The following PCDHA9 variants were observed in gnomAD, a reference collection of about 807,000 sequenced individuals.
PCDHA9 encodes the protein protocadherin alpha-9.
A neutral mutation model predicts 62.0 loss-of-function variants in PCDHA9; 62 were observed. The observed-to-expected ratio is 1.00, with a 90% CI of 0.81 to 1.23. The LOEUF is 1.23. PCDHA9 is among the 50% of genes most tolerant of loss of function. PCDHA9 has a pLI of 0.00. For missense variants in PCDHA9, 1,205 were observed against 1,249.8 expected (o/e 0.96, Z 0.54); for synonymous variants, 557 against 567.6 (o/e 0.98, Z 0.27).
intron 3 of PCDHA9, among the ~76,000 whole-genome samples, chr5:140,983,949 T>TA (rs1554245835): frequency 1.3e-5 from 2 of 152,176 alleles, no homozygotes. Flanking sequence ...ACAATTCAAC[T>TA]AAAAGTCACA....
Position 140,848,651 on chromosome 5 carries a change from G to A in PCDHA9, c.156G>A (p.Leu52=). ...TCGTGGGCCGCATCGCGCAGGACCT[G>A]GGGCTGGAGCTGGCGGAGCTGGTGC... is the stretch of plus-strand genomic sequence containing the variant. The part of the protein sequence containing the change: ...GTFVGRIAQD[L]GLELAELVPR... Residue 52 remains leucine (L), a synonymous_variant, in exon 1 of 4, where the codon CTG becomes CTA. Transcript: ENST00000532602. The A allele has an allele frequency of 1.3e-6, 2 of 1,592,962 alleles. 1 individual carries two copies. The highest frequency in any genetic ancestry group is 1.7e-6 in the Non-Finnish European group (2 of 1,163,756).
intron 1 of PCDHA9, chr5:140,875,557 G>A (rs2055595805): frequency 6.2e-7 from 1 of 1,613,946 alleles, no homozygotes; most frequent in Non-Finnish European, 8.5e-7. Flanking sequence ...GGTGGGGAGC[G>A]GCCAGCTCCA....
intron 3 of PCDHA9, among the ~76,000 whole-genome samples, chr5:141,000,417 A>ATT (rs1563652061): frequency 3.2e-4 from 25 of 77,724 alleles, no homozygotes; most frequent in African/African-American, 1.1e-3. Context: ...ATATATATAT[A>ATT]TATATTTTTT....
At chr5:140,948,271 T>C (rs1295867135) in intron 1 of PCDHA9, among the ~76,000 whole-genome samples, 4 of 151,646 alleles carry the variant, frequency 2.6e-5, no homozygotes, top group Non-Finnish European at 5.9e-5. Flanking sequence ...TCATGTAGAA[T>C]ATCTGTAAAT....
intron 1 of PCDHA9, chr5:140,966,586 T>C (rs1339521044): frequency 5.5e-6 from 3 of 548,910 alleles, no homozygotes; most frequent in Non-Finnish European, 8.8e-6. Flanking sequence ...GCGAGGACGG[T>C]GGGGCCAGGA....
In PCDHA9 at chr5:141,011,905, G is replaced by C. The variant is rs1400272126; in HGVS notation, c.*1968G>C. 4 of 153,222 alleles carry C rather than the reference G, an allele frequency of 2.6e-5. No individual in the cohort carries two copies. Among genetic ancestry groups the C allele is most frequent in the African/African-American group, 9.7e-5 (4 of 41,224 alleles). The allele number at this position is 153,222 out of a possible 1,614,324, so 9.5% of individuals were successfully genotyped here. A position where few individuals can be genotyped will look rare whatever the true frequency, so the allele number is the denominator to read the frequency against. ...TTGATTAATTATATTATCTATTTAG[G>C]CATTAATATAAAAGAGGTAGGAGTC... On this transcript the variant is annotated 3_prime_UTR_variant, in exon 4 of 4. Coordinates refer to ENST00000532602, the MANE Select transcript of PCDHA9 (RefSeq NM_031857.2).
At chr5:140,882,989 G>C (rs567590369) in intron 1 of PCDHA9, 2 of 1,614,130 alleles carry the variant, frequency 1.2e-6, no homozygotes, top group Non-Finnish European at 8.5e-7. Context: ...CAACGCCCCG[G>C]AATTTTACCA....
chr5:140,857,309 G>C lies in PCDHA9; in HGVS notation c.2394+6420G>C, dbSNP rs1287991839. ...GGACCGCGAGAGGGTGTCGGCCTAT[G>C]AGCTGGTGGTGACCGCGCGGGACGG... On this transcript the variant is annotated intron_variant, in intron 1 of 3. Transcript: ENST00000532602. The C allele has an allele frequency of 3.8e-6, 6 of 1,598,670 alleles. 1 individual carries two copies. In the Admixed American group the frequency reaches 1.0e-4, roughly 27 times the overall value.
At chr5:140,935,840 G>T (rs155359) in intron 1 of PCDHA9, among the ~76,000 whole-genome samples, 87,412 of 151,068 alleles carry the variant, frequency 0.58, 26,203 homozygotes, top group African/African-American at 0.75. Context: ...ATTCCATACT[G>T]CTTAATGGTG....
At chr5:140,996,752 G>T (rs1454271001) in intron 3 of PCDHA9, among the ~76,000 whole-genome samples, 4 of 152,090 alleles carry the variant, frequency 2.6e-5, no homozygotes, top group African/African-American at 7.2e-5. Context: ...AATTATATCT[G>T]TGCAGGACTA....
At chr5:140,935,721 A>G (rs2090523952) in intron 1 of PCDHA9, among the ~76,000 whole-genome samples, 1 of 152,196 alleles carries the variant, frequency 6.6e-6, no homozygotes, top group African/African-American at 2.4e-5. Context: ...ATATATTTAG[A>G]GAAGTCTAGT....
At chr5:140,882,344 A>T in intron 1 of PCDHA9, 2 of 1,614,084 alleles carry the variant, frequency 1.2e-6, no homozygotes, top group Admixed American at 3.3e-5. Flanking sequence ...AGCCTGGGAG[A>T]CGGGTAGTGG....
chr5:140,919,649 T>G (rs1252944920), intron 1 of PCDHA9, among the ~76,000 whole-genome samples: 1 of 152,202 alleles, frequency 6.6e-6, no homozygotes, highest in Non-Finnish European at 1.5e-5. Flanking sequence ...TTCTCTAGAG[T>G]TTACCATATA....
intron 1 of PCDHA9, chr5:140,870,634 G>C: frequency 6.2e-7 from 1 of 1,612,862 alleles, no homozygotes; most frequent in Non-Finnish European, 8.5e-7. Context: ...GTCGGTGCAC[G>C]CGGAGAGCGG....
rs557916636 is a variant in PCDHA9, at chr5:141,000,518, C to G, written c.2543-9109C>G. The stretch of plus-strand genomic sequence containing the variant: ...TCTCGGCTCACTGCAACCTCCTTCT[C>G]CAGGGTTCAAGTGATTCTCATGCCT... On this transcript the variant is annotated intron_variant, in intron 3 of 3. Transcript: ENST00000532602. Among the ~76,000 whole-genome samples the G allele has an allele frequency of 6.9e-4, 100 of 144,062 alleles. 3 individuals are homozygous for G. In the South Asian group the frequency reaches 0.021, roughly 31 times the overall value. 94.5% of individuals were successfully genotyped at this position (144,062 alleles called of 152,430 possible). A position where few individuals can be genotyped will look rare whatever the true frequency, so the allele number is the denominator to read the frequency against.
intron 1 of PCDHA9, among the ~76,000 whole-genome samples, chr5:140,920,858 A>G (rs1182817298): frequency 6.6e-6 from 1 of 151,604 alleles, no homozygotes; most frequent in Non-Finnish European, 1.5e-5. Flanking sequence ...AAAAAAAAAA[A>G]CAAACAAACT....
chr5:140,944,984 T>A (rs972607288), intron 1 of PCDHA9, among the ~76,000 whole-genome samples: 6 of 152,184 alleles, frequency 3.9e-5, no homozygotes, highest in Non-Finnish European at 8.8e-5. Context: ...GTGGGTCTAC[T>A]TCTGTAACGG....
intron 1 of PCDHA9, among the ~76,000 whole-genome samples, chr5:140,943,064 C>T (rs1352675515): frequency 1.3e-5 from 2 of 151,818 alleles, no homozygotes; most frequent in African/African-American, 4.8e-5. Context: ...CAAGAACAGC[C>T]TGACCAACAT....
At chr5:140,867,366 T>C (rs1478062885) in intron 1 of PCDHA9, 2 of 152,156 alleles carry the variant, frequency 1.3e-5, no homozygotes, top group African/African-American at 4.8e-5. Flanking sequence ...ATTTTACAGA[T>C]GCGTAATGGA....
Sources: gnomAD v4.1 joint callset for allele counts (sites outside exome capture counted in the v4.1 genomes callset) on GRCh38, gnomAD v4.1.1 for gene constraint, MANE v1.5 for transcripts, NCBI Gene and HGNC (gene_info 2026-07-23, HGNC 2026-07-21) for gene names.